TMCO1: variants seen among roughly 807,000 people sequenced by gnomAD.
TMCO1 encodes calcium load-activated calcium channel.
A neutral mutation model predicts 29.3 loss-of-function variants in TMCO1; 29 were observed. The observed-to-expected ratio is 0.99, with a 90% CI of 0.74 to 1.35. The LOEUF is 1.35. Ranked by LOEUF, TMCO1 falls within the 40% of genes most tolerant of loss-of-function variation. The pLI, the probability that TMCO1 is intolerant of heterozygous loss-of-function variation, is 0.00. For synonymous variants in TMCO1, 80 were observed against 77.1 expected, an observed-to-expected ratio of 1.04 and a Z score of -0.20; for missense variants, 173 against 225.5, an observed-to-expected ratio of 0.77 and a Z score of 1.49.
intron 6 of TMCO1, among the ~76,000 whole-genome samples, chr1:165,739,733 T>C (rs1012212770): frequency 6.6e-6 from 1 of 152,032 alleles, no homozygotes. Flanking sequence ...TTGAAAACTC[T>C]ACAGTTTTAG....
At chr1:165,741,057 T>C (rs748813411) in intron 6 of TMCO1, among the ~76,000 whole-genome samples, 1 of 152,232 alleles carries the variant, frequency 6.6e-6, no homozygotes, top group Non-Finnish European at 1.5e-5. Context: ...TTGGTGGACA[T>C]AATCATTTAG....
chr1:165,768,123 A>G, intron 2 of TMCO1, 69 bp downstream of exon 2: 1 of 1,316,616 alleles, frequency 7.6e-7, no homozygotes, highest in Admixed American at 1.7e-5. Flanking sequence ...CTCTTAAAAT[A>G]TTTATTGTGA....
At chr1:165,767,113 C>T (rs1435871678) in intron 2 of TMCO1, among the ~76,000 whole-genome samples, 1 of 152,096 alleles carries the variant, frequency 6.6e-6, no homozygotes, top group Non-Finnish European at 1.5e-5. Flanking sequence ...ATTTTCTTTC[C>T]TATGACATGG....
At chr1:165,738,386 T>A (rs1651466738) in intron 6 of TMCO1, among the ~76,000 whole-genome samples, 1 of 152,226 alleles carries the variant, frequency 6.6e-6, no homozygotes, top group Non-Finnish European at 1.5e-5. Context: ...GTCTACAATT[T>A]GAGTTTCTGA....
At chr1:165,755,986 T>G (rs1174238468) in intron 3 of TMCO1, among the ~76,000 whole-genome samples, 1 of 151,558 alleles carries the variant, frequency 6.6e-6, no homozygotes, top group Admixed American at 6.6e-5. Flanking sequence ...AATAGAAAAG[T>G]TATAATATGG....
chr1:165,748,596 A>G (rs953984036), intron 5 of TMCO1, among the ~76,000 whole-genome samples: 1 of 152,154 alleles, frequency 6.6e-6, no homozygotes. Flanking sequence ...GAGGAAGGGA[A>G]ACAAAAAAGG....
chr1:165,768,265 T>G lies in TMCO1; in HGVS notation c.75A>C (p.Ile25=), dbSNP rs1652648633. Reference sequence around the variant, plus strand: ...CTGTCCTGTAAACCAGGACCCAGGTTATGCCTAAAACATTAAAAGCAACAT... The same window carrying G: ...CTGTCCTGTAAACCAGGACCCAGGTGATGCCTAAAACATTAAAAGCAACAT... ...SVCTALLAEG[I]TWVLVYRTDK... Residue 25 remains isoleucine, a synonymous_variant, in exon 2 of 7, where the codon ATA becomes ATC. Transcript: ENST00000367881. 2 of 1,613,716 alleles carry G rather than the reference T, an allele frequency of 1.2e-6. No individual in the cohort carries two copies. Among genetic ancestry groups the G allele is most frequent in the Admixed American group, 1.7e-5 (1 of 59,992 alleles).
chr1:165,743,162 C>T lies in TMCO1; in HGVS notation c.468+5G>A, dbSNP rs909017029. ...ACATATTAAATGGTAGATGTGATCA[C>T]TCACCTGTCGAATCGACATAGTACA... is the stretch of plus-strand genomic sequence containing the variant. On this transcript the variant is annotated splice_donor_5th_base_variant and intron_variant, in intron 6 of 6. Transcript: ENST00000367881. 1 of 1,613,976 alleles carries T rather than the reference C, an allele frequency of 6.2e-7. No homozygotes were observed. The highest frequency in any genetic ancestry group is 1.7e-5 in the Admixed American group (1 of 60,012).
intron 3 of TMCO1, among the ~76,000 whole-genome samples, chr1:165,756,026 G>A (rs577537977): frequency 2.3e-4 from 33 of 141,866 alleles, no homozygotes; most frequent in Non-Finnish European, 3.8e-4. Context: ...ATTTGCCTAA[G>A]AATTATATGG....
In TMCO1 at chr1:165,727,559, A is replaced by G; in HGVS notation, c.*464T>C. The G allele has an allele frequency of 2.2e-6, 1 of 453,726 alleles. No homozygotes were observed. Among genetic ancestry groups the G allele is most frequent in the South Asian group, 1.6e-5 (1 of 64,438 alleles). 28.1% of individuals were successfully genotyped at this position (453,726 alleles called of 1,614,324 possible). A position where few individuals can be genotyped will look rare whatever the true frequency, so the allele number is the denominator to read the frequency against. The stretch of plus-strand genomic sequence containing the variant: ...CTCCTTGTACATAAAACAGCTAAAA[A>G]TTTGGCCTCTTTATTGATCTTATGT... On this transcript the variant is annotated 3_prime_UTR_variant, in exon 7 of 7. Transcript: ENST00000367881.
At chr1:165,757,568 C>T (rs565318715) in intron 3 of TMCO1, among the ~76,000 whole-genome samples, 2 of 152,350 alleles carry the variant, frequency 1.3e-5, no homozygotes, top group Non-Finnish European at 2.9e-5. Flanking sequence ...GCGATCTCGG[C>T]GCACTACAAC....
At chr1:165,744,981 G>T (rs749342982) in intron 5 of TMCO1, among the ~76,000 whole-genome samples, 14 of 151,594 alleles carry the variant, frequency 9.2e-5, no homozygotes, top group Non-Finnish European at 1.0e-4. Context: ...TTTCCTTAAA[G>T]CATCTGCCAG....
chr1:165,755,190 A>G (rs1156988752), intron 3 of TMCO1, among the ~76,000 whole-genome samples: 1 of 152,124 alleles, frequency 6.6e-6, no homozygotes, highest in East Asian at 1.9e-4. Context: ...GAAAAGGAAT[A>G]CTCCAAAAAT....
rs1438820020 is a variant in TMCO1, at chr1:165,728,002, G to A, written c.*21C>T. The A allele has an allele frequency of 3.2e-6, 5 of 1,567,718 alleles. No homozygotes were observed. The highest frequency in any genetic ancestry group is 3.5e-6 in the Non-Finnish European group (4 of 1,143,274). ...GTGTGTGTGTCTAGAAAGAATGATA[G>A]AAAATAAAGAGTTCTTGAGTTCAAG... On this transcript the variant is annotated 3_prime_UTR_variant, in exon 7 of 7. Transcript: ENST00000367881.
chr1:165,745,092 C>A (rs144849242), intron 5 of TMCO1, among the ~76,000 whole-genome samples: 1 of 152,036 alleles, frequency 6.6e-6, no homozygotes, highest in East Asian at 2.0e-4. Context: ...GCAATCATGG[C>A]TCACTGCAGC....
At chr1:165,735,927 G>C (rs1651359574) in intron 6 of TMCO1, among the ~76,000 whole-genome samples, 1 of 152,218 alleles carries the variant, frequency 6.6e-6, no homozygotes, top group Non-Finnish European at 1.5e-5. Flanking sequence ...TTTGGAGTTT[G>C]AGTGCTGCTA....
At position 165,727,648 on chromosome 1, in the gene TMCO1, A is replaced by C; in HGVS notation, c.*375T>G. 2.2e-6 allele frequency: 1 copy of C among 454,202 alleles called. No homozygotes were observed. The highest frequency in any genetic ancestry group is 1.6e-5 in the South Asian group (1 of 64,476). 28.1% of individuals were successfully genotyped at this position (454,202 alleles called of 1,614,324 possible). A position where few individuals can be genotyped will look rare whatever the true frequency, so the allele number is the denominator to read the frequency against. On this transcript the variant is annotated 3_prime_UTR_variant, in exon 7 of 7. Transcript: ENST00000367881. The stretch of plus-strand genomic sequence containing the variant: ...ACAGTTACAAGGGTTAAACAAACTA[A>C]ATTTTTCTTCTAAATCTCTAAATGC...
Position 165,726,910 on chromosome 1 carries a change from A to C in TMCO1, c.*1113T>G. ...ACTTTTCTACTGTCTTCTGGACTTTATGGTGCTGATAAGAAAGAAGTTTGC... is the reference window on the plus strand; with the variant it reads ...ACTTTTCTACTGTCTTCTGGACTTTCTGGTGCTGATAAGAAAGAAGTTTGC... On this transcript the variant is annotated 3_prime_UTR_variant, in exon 7 of 7. Coordinates refer to ENST00000367881, the MANE Select transcript of TMCO1 (RefSeq NM_019026.6). 1 of 454,064 alleles carries C rather than the reference A, an allele frequency of 2.2e-6. No homozygotes were observed. Among genetic ancestry groups the C allele is most frequent in the South Asian group, 1.6e-5 (1 of 64,470 alleles). The allele number at this position is 454,064 out of a possible 1,614,324, so 28.1% of individuals were successfully genotyped here. A position where few individuals can be genotyped will look rare whatever the true frequency, so the allele number is the denominator to read the frequency against.
rs1427435308 is a variant in TMCO1, at chr1:165,726,888, T to C, written c.*1135A>G. 6.6e-6 allele frequency: 3 copies of C among 454,072 alleles called. No homozygotes were observed. The highest frequency in any genetic ancestry group is 2.0e-5 in the African/African-American group (1 of 50,130). 28.1% of individuals were successfully genotyped at this position (454,072 alleles called of 1,614,324 possible). A position where few individuals can be genotyped will look rare whatever the true frequency, so the allele number is the denominator to read the frequency against. On this transcript the variant is annotated 3_prime_UTR_variant, in exon 7 of 7. Coordinates refer to ENST00000367881, the MANE Select transcript of TMCO1 (RefSeq NM_019026.6). ...TTTTCCTCAGCACTTTGAAGATACT[T>C]TTCTACTGTCTTCTGGACTTTATGG...
Sources: allele counts gnomAD v4.1 joint callset (sites outside exome capture counted in the v4.1 genomes callset), GRCh38; gene constraint gnomAD v4.1.1; transcripts MANE v1.5; gene names NCBI Gene and HGNC (gene_info 2026-07-23, HGNC 2026-07-21).